YEATS2: variants seen among roughly 807,000 people sequenced by gnomAD.
The protein encoded by YEATS2 is YEATS domain containing 2.
In YEATS2, 77 loss-of-function variants were observed where a neutral mutation model predicts 163.2. The ratio of observed to expected loss-of-function variants is 0.47; its 90% CI spans 0.39 to 0.57. The LOEUF (loss-of-function observed/expected upper bound fraction) is 0.57. Ranked by LOEUF, YEATS2 falls within the 20% of genes least tolerant of loss-of-function variation. The probability of loss-of-function intolerance (pLI) is 0.00; values close to 1 mark genes in which losing one functional copy is unlikely to be tolerated. For missense variants in YEATS2, 1,549 were observed against 1,729.8 expected (o/e 0.90, Z 1.85); for synonymous variants, 631 against 645.1 (o/e 0.98, Z 0.33).
chr3:183,779,309 T>C (rs756722354), intron 19 of YEATS2, among the ~76,000 whole-genome samples: 1 of 152,264 alleles, frequency 6.6e-6, no homozygotes, highest in African/African-American at 2.4e-5. Context: ...TACCAGCATT[T>C]GGTGTCCTCT....
chr3:183,759,053 C>A, intron 13 of YEATS2, 88 bp downstream of exon 13: 1 of 901,068 alleles, frequency 1.1e-6, no homozygotes, highest in Non-Finnish European at 1.6e-6. Flanking sequence ...GATGGGGTCT[C>A]CCCGTATTAA....
intron 1 of YEATS2, among the ~76,000 whole-genome samples, chr3:183,700,965 TTAGA>T (rs1187904697): frequency 5.3e-5 from 8 of 151,774 alleles, no homozygotes; most frequent in Non-Finnish European, 7.4e-5. Context: ...CATTATGGAA[TTAGA>T]TAGTGGTGAT....
At chr3:183,754,426 C>T in intron 11 of YEATS2, 61 bp downstream of exon 11, 1 of 1,532,684 alleles carries the variant, frequency 6.5e-7, no homozygotes, top group South Asian at 1.3e-5. Flanking sequence ...ATTGTTGGAA[C>T]AACAAAACAA....
intron 9 of YEATS2, among the ~76,000 whole-genome samples, chr3:183,748,172 C>T (rs920433594): frequency 6.6e-6 from 1 of 151,418 alleles, no homozygotes; most frequent in African/African-American, 2.4e-5. Flanking sequence ...AAACTTGTGG[C>T]TCCTCTCCCC....
At chr3:183,795,038 T>G (rs528976473) in intron 21 of YEATS2, among the ~76,000 whole-genome samples, 208 of 151,458 alleles carry the variant, frequency 1.4e-3, no homozygotes, top group African/African-American at 4.8e-3. Context: ...GCATGGTAGT[T>G]GTGCCTGTAG....
chr3:183,777,738 A>G, intron 19 of YEATS2, 38 bp downstream of exon 19: 1 of 1,576,514 alleles, frequency 6.3e-7, no homozygotes, highest in Admixed American at 1.9e-5. Flanking sequence ...ATATGGGGTG[A>G]TTATGGCATT....
chr3:183,703,098 G>C (rs1714274799), intron 1 of YEATS2, among the ~76,000 whole-genome samples: 1 of 152,132 alleles, frequency 6.6e-6, no homozygotes, highest in Non-Finnish European at 1.5e-5. Flanking sequence ...GAAATAATGA[G>C]ACAGTGTTTT....
At chr3:183,746,714 C>CTAAATATTAAAACTCT (rs1719581972) in intron 8 of YEATS2, among the ~76,000 whole-genome samples, 5 of 150,432 alleles carry the variant, frequency 3.3e-5, no homozygotes, top group South Asian at 4.2e-4. Flanking sequence ...ATTAAAACTC[C>CTAAATATTAAAACTCT]AGATTTCTTC....
At chr3:183,778,614 C>T (rs572426460) in intron 19 of YEATS2, among the ~76,000 whole-genome samples, 66 of 152,172 alleles carry the variant, frequency 4.3e-4, no homozygotes, top group African/African-American at 1.4e-3. Flanking sequence ...CCTCGGCCTC[C>T]GAAAGTGCTG....
intron 1 of YEATS2, among the ~76,000 whole-genome samples, chr3:183,707,089 T>C (rs979153071): frequency 5.9e-5 from 9 of 152,222 alleles, no homozygotes; most frequent in Admixed American, 2.6e-4. Flanking sequence ...CCCAAAGATA[T>C]CTTACTATGT....
At chr3:183,748,819 G>A (rs1310236020) in intron 9 of YEATS2, among the ~76,000 whole-genome samples, 2 of 151,928 alleles carry the variant, frequency 1.3e-5, no homozygotes, top group African/African-American at 4.8e-5. Context: ...GGCTGGTCTC[G>A]AATTCTTGGC....
At chr3:183,808,979 T>A in intron 29 of YEATS2, 118 bp from the exon 30 acceptor site, 1 of 969,846 alleles carries the variant, frequency 1.0e-6, no homozygotes, top group Non-Finnish European at 1.6e-6. Context: ...TCTTAAGGAC[T>A]TTTTAATCCC....
At chr3:183,722,637 G>A (rs2109065596) in intron 5 of YEATS2, among the ~76,000 whole-genome samples, 1 of 151,104 alleles carries the variant, frequency 6.6e-6, no homozygotes, top group Middle Eastern at 3.5e-3. Context: ...TGTCAGAACT[G>A]CGAATTAAAC....
At chr3:183,717,805 G>C in intron 3 of YEATS2, 57 bp downstream of exon 3, 1 of 1,045,626 alleles carries the variant, frequency 9.6e-7, no homozygotes, top group Non-Finnish European at 1.3e-6. Flanking sequence ...ATGTATACAT[G>C]ATTGAAAAAT....
At chr3:183,742,874 C>T (rs192839686) in intron 8 of YEATS2, among the ~76,000 whole-genome samples, 5 of 152,334 alleles carry the variant, frequency 3.3e-5, no homozygotes, top group Admixed American at 2.6e-4. Flanking sequence ...CCCAAACCTT[C>T]AACAAACAGC....
chr3:183,734,025 T>A (rs1298476928), intron 7 of YEATS2, among the ~76,000 whole-genome samples: 1 of 152,196 alleles, frequency 6.6e-6, no homozygotes, highest in Non-Finnish European at 1.5e-5. Context: ...GTGAGCCTCT[T>A]CCAAACCTTC....
rs138088616 is a variant in YEATS2 at position 183,800,112 on chromosome 3, G to A, written c.3326-354G>A. 4.8e-3 allele frequency among the ~76,000 whole-genome samples: 726 copies of A among 152,300 alleles called. 6 individuals are homozygous for A. The highest frequency in any genetic ancestry group is 0.014 in the African/African-American group (583 of 41,554). On this transcript the variant is annotated intron_variant, in intron 23 of 30. Transcript: ENST00000305135. ...CTCCCAAAGTGCTGGGATTACAGGC[G>A]TGAGCCACCGCGCCCGGCCCAGAGT...
At chr3:183,762,519 A>T (rs1031504084) in intron 15 of YEATS2, among the ~76,000 whole-genome samples, 6 of 152,140 alleles carry the variant, frequency 3.9e-5, no homozygotes, top group South Asian at 4.1e-4. Context: ...GAGGCAGGGG[A>T]ACACTGCTGT....
intron 20 of YEATS2, among the ~76,000 whole-genome samples, chr3:183,787,980 A>T (rs2108467454): frequency 6.6e-6 from 1 of 152,198 alleles, no homozygotes; most frequent in Non-Finnish European, 1.5e-5. Context: ...TCCAGCCTGG[A>T]CAGTAGAGCG....
Sources: gnomAD v4.1 joint callset for allele counts (sites outside exome capture counted in the v4.1 genomes callset) on GRCh38, gnomAD v4.1.1 for gene constraint, MANE v1.5 for transcripts, NCBI Gene and HGNC (gene_info 2026-07-23, HGNC 2026-07-21) for gene names.